Variants in PCSK5 observed in about 807,000 individuals in gnomAD.
PCSK5 encodes the protein proprotein convertase subtilisin/kexin type 5.
Under a neutral mutation model 233.2 loss-of-function variants are expected in PCSK5, and 129 were observed. That is an observed-to-expected ratio of 0.55 (90% CI 0.48 to 0.64). The LOEUF (loss-of-function observed/expected upper bound fraction) is 0.64, where lower values mean the gene tolerates loss of function less well. Ranked by LOEUF, PCSK5 falls within the 30% of genes least tolerant of loss-of-function variation. The pLI is 0.00. For synonymous variants in PCSK5, 825 were observed against 879.2 expected, an observed-to-expected ratio of 0.94 and a Z score of 1.09; for missense variants, 2,076 against 2,430.1, an observed-to-expected ratio of 0.85 and a Z score of 3.06.
chr9:76,098,811 C>T (rs745557775), intron 8 of PCSK5, among the ~76,000 whole-genome samples: 4 of 152,180 alleles, frequency 2.6e-5, no homozygotes, highest in Non-Finnish European at 5.9e-5. Flanking sequence ...ACTGCAAAAT[C>T]ACTACTGTGA....
intron 1 of PCSK5, among the ~76,000 whole-genome samples, chr9:75,914,980 G>A (rs578227474): frequency 6.6e-6 from 1 of 152,306 alleles, no homozygotes; most frequent in South Asian, 2.1e-4. Flanking sequence ...AAAGGTGTGA[G>A]GAATAGTTTA....
At chr9:76,154,487 C>T (rs562926596) in intron 10 of PCSK5, among the ~76,000 whole-genome samples, 9 of 152,200 alleles carry the variant, frequency 5.9e-5, no homozygotes, top group Admixed American at 2.0e-4. Context: ...CAAGCATGGG[C>T]GCTCAGGTGG....
chr9:75,996,494 A>G (rs1272814996), intron 3 of PCSK5, among the ~76,000 whole-genome samples: 1 of 152,200 alleles, frequency 6.6e-6, no homozygotes, highest in East Asian at 1.9e-4. Context: ...GATAATTATG[A>G]TAACTGCGAT....
At chr9:76,060,399 T>C (rs1829984404) in intron 5 of PCSK5, among the ~76,000 whole-genome samples, 1 of 152,204 alleles carries the variant, frequency 6.6e-6, no homozygotes, top group Admixed American at 6.5e-5. Context: ...ATTTTAGTAT[T>C]CATTAAGTGG....
chr9:76,281,745 C>T lies in PCSK5; in HGVS notation c.3143-10488C>T, dbSNP rs538190862. Among the ~76,000 whole-genome samples, 21 of 152,302 alleles carry T rather than the reference C, an allele frequency of 1.4e-4. No homozygotes were observed. The East Asian group carries it at 3.9e-3, about 28-fold the overall frequency. ...CTCACTGCAACCTCCACCTCCTGGG[C>T]TCAAGCAATTCTTCCACCTCAGCCT... On this transcript the variant is annotated intron_variant, in intron 24 of 37. Transcript: ENST00000674117.
At chr9:76,175,707 A>G (rs1823583386) in intron 14 of PCSK5, 1 of 153,340 alleles carries the variant, frequency 6.5e-6, no homozygotes, top group Admixed American at 6.5e-5. Context: ...CACTGTGACC[A>G]GCTATGTGAT....
chr9:75,944,272 C>A (rs1824460188), intron 2 of PCSK5, among the ~76,000 whole-genome samples: 2 of 151,548 alleles, frequency 1.3e-5, no homozygotes, highest in South Asian at 4.2e-4. Flanking sequence ...AAGATGTGTT[C>A]CCGTTTATGT....
intron 7 of PCSK5, among the ~76,000 whole-genome samples, chr9:76,078,995 T>C (rs1016886047): frequency 2.0e-5 from 3 of 152,176 alleles, no homozygotes; most frequent in South Asian, 2.1e-4. Context: ...CATCTCTGAT[T>C]TCTTTTAGCA....
chr9:76,067,874 ACT>A, intron 5 of PCSK5, 79 bp from the exon 6 acceptor site: 1 of 1,101,042 alleles, frequency 9.1e-7, no homozygotes. Context: ...ATTCTTCACC[ACT>A]CTGAGTGGTG....
At chr9:76,021,378 T>C (rs1467180624) in intron 3 of PCSK5, among the ~76,000 whole-genome samples, 1 of 148,832 alleles carries the variant, frequency 6.7e-6, no homozygotes, top group Non-Finnish European at 1.5e-5. Flanking sequence ...TTGGGGGGTG[T>C]ATTTCTAAGT....
chr9:76,130,093 A>C (rs4745505), intron 9 of PCSK5, among the ~76,000 whole-genome samples: 2 of 151,352 alleles, frequency 1.3e-5, no homozygotes, highest in East Asian at 1.9e-4. Flanking sequence ...TACGGTATAC[A>C]TGTAAACTAT....
At chr9:76,321,006 G>A (rs1184802590) in intron 30 of PCSK5, among the ~76,000 whole-genome samples, 1 of 151,818 alleles carries the variant, frequency 6.6e-6, no homozygotes, top group African/African-American at 2.4e-5. Context: ...AGTAGAGACA[G>A]TGTTTCACCA....
chr9:76,107,148 A>G (rs946599860), intron 8 of PCSK5, 103 bp from the exon 9 acceptor site: 77 of 628,112 alleles, frequency 1.2e-4, no homozygotes, highest in South Asian at 7.8e-4. Context: ...TAAAACAAGT[A>G]TTTAACATAT....
chr9:76,351,511 A>AGAAAGAAG (rs1830145857), intron 36 of PCSK5, among the ~76,000 whole-genome samples: 1 of 67,810 alleles, frequency 1.5e-5, no homozygotes, highest in African/African-American at 3.8e-5. Flanking sequence ...AAAGAAAGAA[A>AGAAAGAAG]GAAAGAAAGA....
At chr9:76,340,852 T>G (rs1001761807) in intron 35 of PCSK5, among the ~76,000 whole-genome samples, 1 of 152,016 alleles carries the variant, frequency 6.6e-6, no homozygotes, top group Non-Finnish European at 1.5e-5. Flanking sequence ...TTTTAGACTG[T>G]GTTCAGTCTA....
rs1419439756 is a variant in PCSK5, at chr9:76,362,807, T to A, written c.*3885T>A. ...TCGTTCTGATTACTGGTGCATGCAG[T>A]CCCCAGTCACGTACCCCCTGCTTGC... On this transcript the variant is annotated 3_prime_UTR_variant, in exon 38 of 38. Coordinates refer to ENST00000674117, the MANE Select transcript of PCSK5 (RefSeq NM_001372043.1). Among the ~76,000 whole-genome samples, 2 of 152,084 alleles carry A rather than the reference T, an allele frequency of 1.3e-5. No individual in the cohort carries two copies. The highest frequency in any genetic ancestry group is 4.8e-5 in the African/African-American group (2 of 41,400).
intron 3 of PCSK5, among the ~76,000 whole-genome samples, chr9:75,997,898 T>G (rs1827090036): frequency 6.6e-6 from 1 of 152,240 alleles, no homozygotes; most frequent in South Asian, 2.1e-4. Context: ...GTCTAGCTTT[T>G]GTTCTACTTC....
intron 30 of PCSK5, among the ~76,000 whole-genome samples, chr9:76,319,556 G>A (rs1405486995): frequency 6.6e-6 from 1 of 152,114 alleles, no homozygotes; most frequent in African/African-American, 2.4e-5. Context: ...GCCCACATAA[G>A]GGCCGCTTGA....
chr9:76,105,646 TGTCGAG>T (rs1413804097), intron 8 of PCSK5, among the ~76,000 whole-genome samples: 2 of 152,206 alleles, frequency 1.3e-5, no homozygotes, highest in Non-Finnish European at 2.9e-5. Flanking sequence ...AAGCATCACA[TGTCGAG>T]GTTCAGTAGA....
Sources: allele counts gnomAD v4.1 joint callset (sites outside exome capture counted in the v4.1 genomes callset), GRCh38; gene constraint gnomAD v4.1.1; transcripts MANE v1.5; gene names NCBI Gene and HGNC (gene_info 2026-07-23, HGNC 2026-07-21).